The following SGCZ variants were observed in gnomAD, a reference collection of about 807,000 sequenced individuals.
SGCZ encodes sarcoglycan zeta.
Under a neutral mutation model 41.3 loss-of-function variants are expected in SGCZ, and 40 were observed. That is an observed-to-expected ratio of 0.97 (90% CI 0.75 to 1.26). The LOEUF (loss-of-function observed/expected upper bound fraction) is 1.26. SGCZ is among the 50% of genes most tolerant of loss of function. The pLI is 0.00. For missense variants in SGCZ, 552 were observed against 369.8 expected (o/e 1.49, Z -4.04); for synonymous variants, 206 against 137.5 (o/e 1.50, Z -3.49).
chr8:14,094,032 C>A (rs1257444860), intron 7 of SGCZ, among the ~76,000 whole-genome samples: 4 of 152,028 alleles, frequency 2.6e-5, no homozygotes, highest in Non-Finnish European at 5.9e-5. Context: ...ACCTTGAACA[C>A]ATCTCTCCCC....
chr8:14,529,152 T>A (rs1316996276), intron 2 of SGCZ, among the ~76,000 whole-genome samples: 1 of 152,164 alleles, frequency 6.6e-6, no homozygotes, highest in Non-Finnish European at 1.5e-5. Flanking sequence ...GTATGTCCAC[T>A]TCATATTCAA....
At chr8:14,439,378 A>G (rs1800183137) in intron 2 of SGCZ, among the ~76,000 whole-genome samples, 1 of 150,746 alleles carries the variant, frequency 6.6e-6, no homozygotes, top group Admixed American at 6.6e-5. Context: ...AAAACAATTA[A>G]CAAATTTTAC....
intron 1 of SGCZ, among the ~76,000 whole-genome samples, chr8:15,070,891 C>A (rs946173983): frequency 2.0e-5 from 3 of 152,102 alleles, no homozygotes; most frequent in African/African-American, 7.2e-5. Flanking sequence ...GGATCTGCCA[C>A]TTAGCCAGAA....
At chr8:15,022,920 T>TGGCA (rs901706017) in intron 1 of SGCZ, among the ~76,000 whole-genome samples, 2 of 152,202 alleles carry the variant, frequency 1.3e-5, no homozygotes, top group African/African-American at 4.8e-5. Context: ...AGCCAGTGTG[T>TGGCA]GGCAGAACCT....
At chr8:14,160,577 A>G (rs1349442987) in intron 5 of SGCZ, among the ~76,000 whole-genome samples, 1 of 152,234 alleles carries the variant, frequency 6.6e-6, no homozygotes, top group Non-Finnish European at 1.5e-5. Flanking sequence ...AATAAGTATC[A>G]TTATACTAAG....
intron 2 of SGCZ, among the ~76,000 whole-genome samples, chr8:14,353,251 T>C (rs1264631412): frequency 6.6e-6 from 1 of 152,238 alleles, no homozygotes; most frequent in African/African-American, 2.4e-5. Context: ...TACTAGTAGA[T>C]AGAAACTAAC....
intron 2 of SGCZ, among the ~76,000 whole-genome samples, chr8:14,401,538 T>C (rs1284896563): frequency 2.0e-5 from 3 of 148,964 alleles, no homozygotes; most frequent in Admixed American, 2.0e-4. Context: ...ATATGCGGTG[T>C]TTGGTTTTTT....
intron 1 of SGCZ, among the ~76,000 whole-genome samples, chr8:14,605,290 A>C (rs1805713212): frequency 6.6e-6 from 1 of 151,860 alleles, no homozygotes; most frequent in Non-Finnish European, 1.5e-5. Context: ...GTGCATAGTG[A>C]GTGTATATAT....
At chr8:14,654,511 T>A (rs1476333927) in intron 1 of SGCZ, among the ~76,000 whole-genome samples, 1 of 152,144 alleles carries the variant, frequency 6.6e-6, no homozygotes, top group African/African-American at 2.4e-5. Context: ...TAGCAAGCAC[T>A]CAATAAATAT....
chr8:14,774,585 A>G (rs1800343854), intron 1 of SGCZ, among the ~76,000 whole-genome samples: 1 of 152,180 alleles, frequency 6.6e-6, no homozygotes, highest in Non-Finnish European at 1.5e-5. Flanking sequence ...ACAAAGCTTT[A>G]AAAACAAATC....
intron 1 of SGCZ, among the ~76,000 whole-genome samples, chr8:15,016,137 T>C (rs1803024575): frequency 6.6e-6 from 1 of 152,148 alleles, no homozygotes; most frequent in African/African-American, 2.4e-5. Context: ...ACTCTATTCT[T>C]TTGCAAAATT....
intron 2 of SGCZ, among the ~76,000 whole-genome samples, chr8:14,551,568 TAATATATATATAA>T (rs1803854285): frequency 5.2e-5 from 1 of 19,330 alleles, no homozygotes; most frequent in African/African-American, 3.2e-4. Flanking sequence ...ATTATATATA[TAATATATATATAA>T]TATATATAAT....
Position 14,702,964 on chromosome 8 carries a change from G to T in SGCZ, c.40-148038C>A, listed in dbSNP as rs377463778. On this transcript the variant is annotated intron_variant, in intron 1 of 7. Transcript: ENST00000382080. The stretch of plus-strand genomic sequence containing the variant: ...AGATAGATAGATAGATAGATAGATA[G>T]ATAGATAGACAGACAGACAGACAGA... Among the ~76,000 whole-genome samples, 678 of 140,992 alleles carry T rather than the reference G, an allele frequency of 4.8e-3. 5 individuals are homozygous for T. Among genetic ancestry groups the T allele is most frequent in the Middle Eastern group, 0.019 (5 of 270 alleles). 92.5% of individuals were successfully genotyped at this position (140,992 alleles called of 152,430 possible). A position where few individuals can be genotyped will look rare whatever the true frequency, so the allele number is the denominator to read the frequency against.
intron 1 of SGCZ, among the ~76,000 whole-genome samples, chr8:15,008,831 G>C (rs992244573): frequency 2.1e-5 from 3 of 145,344 alleles, no homozygotes; most frequent in African/African-American, 7.7e-5. Flanking sequence ...GAGGAAGGGA[G>C]AGAGGGGAGG....
rs56296725 is a variant in SGCZ at position 14,368,720 on chromosome 8, A to T, written c.235-44516T>A. On this transcript the variant is annotated intron_variant, in intron 2 of 7. Coordinates refer to ENST00000382080, the MANE Select transcript of SGCZ (RefSeq NM_139167.4). ...GAACAGATACATCCTAAGTCTGCAGATCCTGGTTTGTTTCTGTCTTCTGAG... is the reference window on the plus strand; with the variant it reads ...GAACAGATACATCCTAAGTCTGCAGTTCCTGGTTTGTTTCTGTCTTCTGAG... Among the ~76,000 whole-genome samples the T allele has an allele frequency of 4.3e-3, 657 of 152,092 alleles. 4 individuals carry two copies. Among genetic ancestry groups the T allele is most frequent in the Admixed American group, 0.011 (169 of 15,252 alleles).
At chr8:14,924,223 A>C (rs1386853668) in intron 1 of SGCZ, among the ~76,000 whole-genome samples, 1 of 152,210 alleles carries the variant, frequency 6.6e-6, no homozygotes, top group Non-Finnish European at 1.5e-5. Context: ...AATGTATATA[A>C]GCCTCTAACT....
At chr8:14,781,678 G>T (rs1800592650) in intron 1 of SGCZ, among the ~76,000 whole-genome samples, 1 of 152,058 alleles carries the variant, frequency 6.6e-6, no homozygotes, top group Admixed American at 6.6e-5. Context: ...CTCAACTTGT[G>T]ATGGAGTTAC....
intron 1 of SGCZ, among the ~76,000 whole-genome samples, chr8:14,711,435 CAA>C (rs543412312): frequency 0.53 from 54,703 of 102,564 alleles, 11,811 homozygotes; most frequent in Non-Finnish European, 0.59. Context: ...ACTAAAAATA[CAA>C]AAAAAAAAAA....
intron 4 of SGCZ, among the ~76,000 whole-genome samples, chr8:14,186,863 G>A (rs1804921256): frequency 6.6e-6 from 1 of 152,172 alleles, no homozygotes; most frequent in South Asian, 2.1e-4. Context: ...AGAGAGCCAG[G>A]CAAAGAGACA....
Sources: gnomAD v4.1 joint callset for allele counts (sites outside exome capture counted in the v4.1 genomes callset) on GRCh38, gnomAD v4.1.1 for gene constraint, MANE v1.5 for transcripts, NCBI Gene and HGNC (gene_info 2026-07-23, HGNC 2026-07-21) for gene names.